LATS2: variants seen among roughly 807,000 people sequenced by gnomAD.
LATS2 encodes large tumor suppressor kinase 2, also known as serine/threonine-protein kinase LATS2.
LATS2 carries 24 observed loss-of-function variants against 76.0 expected under a neutral mutation model. The ratio of observed to expected loss-of-function variants is 0.32; its 90% CI spans 0.23 to 0.44. The LOEUF is 0.44. LATS2 is among the 20% of genes least tolerant of loss of function. The probability of loss-of-function intolerance (pLI) is 1.00; values close to 1 mark genes in which losing one functional copy is unlikely to be tolerated. For synonymous variants in LATS2, 692 were observed against 635.4 expected (o/e 1.09, Z -1.34); for missense variants, 1,286 against 1,481.2 (o/e 0.87, Z 2.16).
Position 20,988,905 on chromosome 13 carries a change from T to C in LATS2, c.875A>G (p.Lys292Arg). ...GGCGCCTGGCGGTCCTCCCTGGCCC[T>C]TCGTGGGCAGGCTGGCGTAACCCCC... ...ETGGYASLPT[K>R]GQGGPPGAGL... is the part of the protein sequence containing the mutation. Residue 292 changes from lysine to arginine, a missense_variant, in exon 4 of 8, where the codon AAG (lysine) becomes AGG (arginine). Coordinates refer to ENST00000382592, the MANE Select transcript of LATS2 (RefSeq NM_014572.3). 1 of 1,531,296 alleles carries C rather than the reference T, an allele frequency of 6.5e-7. No homozygotes were observed. 94.9% of individuals were successfully genotyped at this position (1,531,296 alleles called of 1,614,324 possible).
intron 2 of LATS2, among the ~76,000 whole-genome samples, chr13:21,040,345 T>C (rs549393527): frequency 1.7e-3 from 254 of 147,376 alleles, no homozygotes; most frequent in African/African-American, 5.9e-3. Context: ...ATTGCGCCAC[T>C]GCACTACAGC....
chr13:21,052,375 G>T (rs1358408693), intron 1 of LATS2, among the ~76,000 whole-genome samples: 3 of 152,036 alleles, frequency 2.0e-5, no homozygotes, highest in Non-Finnish European at 4.4e-5. Context: ...TTATTTGGGA[G>T]AGTCTCACTC....
chr13:21,051,827 C>T (rs1873282191), intron 1 of LATS2, among the ~76,000 whole-genome samples: 1 of 152,002 alleles, frequency 6.6e-6, no homozygotes, highest in African/African-American at 2.4e-5. Flanking sequence ...GGTGTGGAGG[C>T]ACACCTATGG....
At chr13:21,017,130 TG>T (rs1279527268) in intron 2 of LATS2, among the ~76,000 whole-genome samples, 5 of 152,202 alleles carry the variant, frequency 3.3e-5, no homozygotes, top group Non-Finnish European at 7.3e-5. Context: ...TGACCAGCCA[TG>T]AACAAAGCGC....
At chr13:21,055,175 C>T (rs1187033238) in intron 1 of LATS2, among the ~76,000 whole-genome samples, 1 of 152,138 alleles carries the variant, frequency 6.6e-6, no homozygotes, top group South Asian at 2.1e-4. Context: ...CATGAGAATA[C>T]TCATCAGTCA....
At chr13:20,980,320 C>T (rs1353204563) in intron 6 of LATS2, among the ~76,000 whole-genome samples, 1 of 152,206 alleles carries the variant, frequency 6.6e-6, no homozygotes, top group East Asian at 1.9e-4. Context: ...GCCTTCCTCA[C>T]GGGGCTCCCA....
chr13:21,060,721 G>C (rs1246725060), intron 1 of LATS2, among the ~76,000 whole-genome samples: 4 of 151,544 alleles, frequency 2.6e-5, no homozygotes, highest in Non-Finnish European at 5.9e-5. Context: ...ACCGCCGTGG[G>C]TCCGTCGGCT....
intron 1 of LATS2, among the ~76,000 whole-genome samples, chr13:21,053,200 A>G (rs1595259688): frequency 7.4e-6 from 1 of 134,694 alleles, no homozygotes; most frequent in East Asian, 2.2e-4. Flanking sequence ...ATGCCACTGC[A>G]CTCCAGCTTG....
rs74882049 is a variant in LATS2, at chr13:21,053,955, G to C, written c.-205+7391C>G. Among the ~76,000 whole-genome samples the C allele has an allele frequency of 0.01, 1,557 of 152,248 alleles. 122 individuals carry two copies. In the East Asian group the frequency reaches 0.22, roughly 21 times the overall value. ...CTTAAGGGGTACAGTTTTTGTTTGG[G>C]ATGATGAAAAAGTCTTATGTATAGA... On this transcript the variant is annotated intron_variant, in intron 1 of 7. Transcript: ENST00000382592.
intron 4 of LATS2, among the ~76,000 whole-genome samples, chr13:20,986,646 G>A (rs1870156816): frequency 6.6e-6 from 1 of 152,098 alleles, no homozygotes; most frequent in East Asian, 1.9e-4. Context: ...GTTGAGGGGA[G>A]ATGAGAAGTT....
At chr13:21,015,201 G>A (rs17061601) in intron 2 of LATS2, among the ~76,000 whole-genome samples, 1,734 of 152,314 alleles carry the variant, frequency 0.011, 32 homozygotes, top group African/African-American at 0.04. Context: ...TCTCATGAAT[G>A]GTTAGATACA....
chr13:20,990,488 A>T (rs2770927), intron 3 of LATS2, among the ~76,000 whole-genome samples: 84,890 of 119,906 alleles, frequency 0.71, 31,313 homozygotes, highest in Non-Finnish European at 0.82. Flanking sequence ...TTTTTTTTTT[A>T]AATACAGACG....
At position 20,988,120 on chromosome 13, in the gene LATS2, C is replaced by T. The variant is rs148138215; in HGVS notation, c.1660G>A (p.Gly554Ser). 235 of 1,614,256 alleles carry T rather than the reference C, an allele frequency of 1.5e-4. 2 individuals are homozygous for T. The African/African-American group carries it at 3.0e-3, about 21-fold the overall frequency. ...LRAGPNEPEG[G>S]DKSRKSAKGD... Reference sequence around the variant, plus strand: ...TTGGCGCTTTTGCGGCTCTTGTCGCCGCCCTCGGGCTCGTTGGGGCCCGCA... The same window carrying T: ...TTGGCGCTTTTGCGGCTCTTGTCGCTGCCCTCGGGCTCGTTGGGGCCCGCA... The change falls in exon 4 of 8, where the codon GGC (glycine) becomes AGC (serine). Residue 554 changes from glycine to serine, a missense_variant. Coordinates refer to ENST00000382592, the MANE Select transcript of LATS2 (RefSeq NM_014572.3).
intron 5 of LATS2, among the ~76,000 whole-genome samples, chr13:20,982,414 C>T (rs547456141): frequency 1.5e-4 from 23 of 152,318 alleles, no homozygotes; most frequent in Admixed American, 3.9e-4. Flanking sequence ...CGGGTTCAAG[C>T]GATTCTCATG....
chr13:21,056,009 C>T (rs2138419072), intron 1 of LATS2, among the ~76,000 whole-genome samples: 1 of 152,350 alleles, frequency 6.6e-6, no homozygotes, highest in Admixed American at 6.5e-5. Flanking sequence ...TCCAGGAAAA[C>T]ACACTTTAGA....
rs1221240119 is a variant in LATS2 at position 20,991,972 on chromosome 13, A to C, written c.343-568T>G. The stretch of plus-strand genomic sequence containing the variant: ...GTAGAAGAAAGAAAGGAGACAAAAC[A>C]GGGGCCCATGGAGCCACACCGGTCC... On this transcript the variant is annotated intron_variant, in intron 2 of 7. Coordinates refer to ENST00000382592, the MANE Select transcript of LATS2 (RefSeq NM_014572.3). The surrounding 1 kb of genome is among the most constrained non-coding windows in gnomAD (Gnocchi z 4.9). Among the ~76,000 whole-genome samples, 1 of 152,200 alleles carries C rather than the reference A, an allele frequency of 6.6e-6. No individual in the cohort carries two copies. The highest frequency in any genetic ancestry group is 1.9e-4 in the East Asian group (1 of 5,190).
At chr13:20,993,056 A>G (rs1870580349) in intron 2 of LATS2, among the ~76,000 whole-genome samples, 1 of 125,324 alleles carries the variant, frequency 8.0e-6, no homozygotes, top group Admixed American at 8.4e-5. Flanking sequence ...AAAAAAAAAA[A>G]AAAAATGGGG....
intron 1 of LATS2, among the ~76,000 whole-genome samples, chr13:21,052,678 T>G (rs1318963744): frequency 6.6e-6 from 1 of 152,142 alleles, no homozygotes; most frequent in Non-Finnish European, 1.5e-5. Flanking sequence ...AATCAGTGTT[T>G]GAGAATGATG....
At chr13:20,995,526 G>C (rs889714921) in intron 2 of LATS2, among the ~76,000 whole-genome samples, 3 of 152,332 alleles carry the variant, frequency 2.0e-5, no homozygotes, top group African/African-American at 7.2e-5. Context: ...GAGATCAGCA[G>C]ATATCTGTTC....
Sources: allele counts gnomAD v4.1 joint callset (sites outside exome capture counted in the v4.1 genomes callset), GRCh38; gene constraint gnomAD v4.1.1; non-coding constraint Gnocchi (gnomAD v3.1); transcripts MANE v1.5; gene names NCBI Gene and HGNC (gene_info 2026-07-23, HGNC 2026-07-21).